GRK5: variants seen among roughly 807,000 people sequenced by gnomAD.
GRK5 encodes the protein G protein-coupled receptor kinase 5.
GRK5 carries 40 observed loss-of-function variants against 78.4 expected under a neutral mutation model. That is an observed-to-expected ratio of 0.51 (90% confidence interval 0.40 to 0.66). The LOEUF is 0.66. Among genes scored for constraint, GRK5 ranks in the 30% least tolerant of loss-of-function variants. The pLI is 0.00. For missense variants in GRK5, 598 were observed against 759.9 expected, an observed-to-expected ratio of 0.79 and a Z score of 2.50; for synonymous variants, 289 against 296.8, an observed-to-expected ratio of 0.97 and a Z score of 0.27.
chr10:119,434,785 A>G (rs905350178), intron 8 of GRK5, among the ~76,000 whole-genome samples: 1 of 152,202 alleles, frequency 6.6e-6, no homozygotes. Flanking sequence ...CCAATAGGCA[A>G]TGCCCCAGTA....
At chr10:119,291,897 T>A (rs1478275235) in intron 1 of GRK5, among the ~76,000 whole-genome samples, 2 of 143,838 alleles carry the variant, frequency 1.4e-5, no homozygotes, top group African/African-American at 2.6e-5. Context: ...TCTGCTCATC[T>A]TCTTCCTCCT....
At chr10:119,407,009 C>A (rs1044627075) in intron 4 of GRK5, among the ~76,000 whole-genome samples, 1 of 152,220 alleles carries the variant, frequency 6.6e-6, no homozygotes, top group Non-Finnish European at 1.5e-5. Context: ...TCAGGATGGG[C>A]GCCCAGGGAA....
At chr10:119,371,980 A>G (rs1851554229) in intron 2 of GRK5, among the ~76,000 whole-genome samples, 1 of 152,192 alleles carries the variant, frequency 6.6e-6, no homozygotes, top group South Asian at 2.1e-4. Context: ...TGGAGACACT[A>G]TTGCCATTTG....
chr10:119,400,280 G>C (rs1385652785), intron 4 of GRK5, among the ~76,000 whole-genome samples: 1 of 152,252 alleles, frequency 6.6e-6, no homozygotes, highest in Non-Finnish European at 1.5e-5. Flanking sequence ...TGAGCTAGAG[G>C]ACGCTTCCAG....
chr10:119,421,200 G>A (rs1465426035), intron 4 of GRK5, among the ~76,000 whole-genome samples: 1 of 152,238 alleles, frequency 6.6e-6, no homozygotes, highest in East Asian at 1.9e-4. Flanking sequence ...AGGGTGCCAA[G>A]CCATCGGCTC....
intron 1 of GRK5, among the ~76,000 whole-genome samples, chr10:119,260,986 G>A (rs1849376878): frequency 6.7e-6 from 1 of 148,208 alleles, no homozygotes; most frequent in South Asian, 2.1e-4. Flanking sequence ...GGGCGGCCGG[G>A]CAGAGGCACC....
intron 1 of GRK5, among the ~76,000 whole-genome samples, chr10:119,251,387 A>C (rs60557758): frequency 6.6e-6 from 1 of 152,220 alleles, no homozygotes; most frequent in Non-Finnish European, 1.5e-5. Flanking sequence ...GGCATCACCA[A>C]TGCCTTTCTG....
At position 119,381,630 on chromosome 10, in the gene GRK5, C is replaced by T. The variant is rs1442436244; in HGVS notation, c.261+703C>T. 1.2e-4 allele frequency among the ~76,000 whole-genome samples: 19 copies of T among 152,198 alleles called. No individual in the cohort carries two copies. In the South Asian group the frequency reaches 1.9e-3, roughly 15 times the overall value. ...AGTCAGGAGTTCCTCTGCACCTGCC[C>T]GGGGAGCCTGGGCACCTCGGTTCAG... On this transcript the variant is annotated intron_variant, in intron 3 of 15. Transcript: ENST00000392870.
intron 3 of GRK5, among the ~76,000 whole-genome samples, chr10:119,396,134 C>T (rs754102577): frequency 5.3e-5 from 8 of 152,190 alleles, no homozygotes; most frequent in Non-Finnish European, 1.0e-4. Context: ...AGGCCCCAGG[C>T]CAAGAGCTTG....
intron 4 of GRK5, among the ~76,000 whole-genome samples, chr10:119,413,586 C>T (rs898397152): frequency 6.6e-6 from 1 of 151,994 alleles, no homozygotes; most frequent in Non-Finnish European, 1.5e-5. Context: ...CGGGCATTTG[C>T]GGAACCCTCA....
chr10:119,436,911 G>A (rs1431221689), intron 9 of GRK5, 70 bp downstream of exon 9: 32 of 1,409,678 alleles, frequency 2.3e-5, no homozygotes, highest in Middle Eastern at 2.5e-4. Flanking sequence ...CCACACCCTC[G>A]GGCAGGTGGT....
rs756100248 is a variant in GRK5, at chr10:119,284,040, TGAG to T, written c.53-42470_53-42468del. 3.9e-4 allele frequency among the ~76,000 whole-genome samples: 59 copies of T among 152,140 alleles called. 1 individual carries two copies. The highest frequency in any genetic ancestry group is 7.6e-4 in the Non-Finnish European group (52 of 68,010). On this transcript the variant is annotated intron_variant, in intron 1 of 15. Coordinates refer to ENST00000392870, the MANE Select transcript of GRK5 (RefSeq NM_005308.3). ...GGTACTCGGATCCCCTGTGGGCAGATGAGGAGGAAGCTGGGTACAGGTAGGAAA... is the reference window on the plus strand; with the variant it reads ...GGTACTCGGATCCCCTGTGGGCAGATGAGGAAGCTGGGTACAGGTAGGAAA...
In GRK5 at chr10:119,424,104, C is replaced by T. The variant is rs147796099; in HGVS notation, c.440+838C>T. ...GTGGGTTAGGTGCTGGAGAGAGGCC[C>T]TGGTGGGCAGAGCAAGCTTGGTTGC... On this transcript the variant is annotated intron_variant, in intron 5 of 15. Coordinates refer to ENST00000392870, the MANE Select transcript of GRK5 (RefSeq NM_005308.3). Among the ~76,000 whole-genome samples the T allele has an allele frequency of 5.9e-5, 9 of 152,270 alleles. No individual in the cohort carries two copies. The East Asian group carries it at 1.7e-3, about 29-fold the overall frequency.
chr10:119,242,857 C>T (rs576063244), intron 1 of GRK5, among the ~76,000 whole-genome samples: 70 of 152,148 alleles, frequency 4.6e-4, no homozygotes, highest in African/African-American at 1.1e-3. Context: ...GAGCTCCCCC[C>T]GCCCCCAGCC....
At chr10:119,288,171 T>C (rs1465123827) in intron 1 of GRK5, among the ~76,000 whole-genome samples, 1 of 152,208 alleles carries the variant, frequency 6.6e-6, no homozygotes, top group East Asian at 1.9e-4. Context: ...CTCCCCACCC[T>C]TTCTGCCTGC....
intron 1 of GRK5, among the ~76,000 whole-genome samples, chr10:119,245,828 T>C (rs367898472): frequency 8.1e-4 from 123 of 151,844 alleles, no homozygotes; most frequent in Middle Eastern, 3.4e-3. Context: ...CCATCCTGGC[T>C]AACATGATGA....
At chr10:119,415,552 T>G (rs1407912405) in intron 4 of GRK5, among the ~76,000 whole-genome samples, 5 of 152,148 alleles carry the variant, frequency 3.3e-5, no homozygotes, top group Non-Finnish European at 7.4e-5. Flanking sequence ...GTGAGGAGCC[T>G]CCTCAATAGT....
Position 119,253,978 on chromosome 10 carries a change from A to C in GRK5, c.52+46009A>C, listed in dbSNP as rs189478373. ...CAGGGGAAAAGGAGAAAGTACAGAAAGCCGTGACACCTGATGGAAAATATT... is the reference window on the plus strand; with the variant it reads ...CAGGGGAAAAGGAGAAAGTACAGAACGCCGTGACACCTGATGGAAAATATT... On this transcript the variant is annotated intron_variant, in intron 1 of 15. Transcript: ENST00000392870. This position sits in a 1 kb window ranked among gnomAD's most constrained non-coding sequence, Gnocchi z 5.7. Among the ~76,000 whole-genome samples, 27 of 152,278 alleles carry C rather than the reference A, an allele frequency of 1.8e-4. No individual in the cohort carries two copies. The East Asian group carries it at 2.5e-3, about 14-fold the overall frequency.
chr10:119,359,799 T>C (rs1378657876), intron 2 of GRK5, among the ~76,000 whole-genome samples: 5 of 152,166 alleles, frequency 3.3e-5, no homozygotes, highest in South Asian at 4.1e-4. Flanking sequence ...GCCATCCCTG[T>C]GTTTCTGGAG....
Sources: gnomAD v4.1 joint callset for allele counts (sites outside exome capture counted in the v4.1 genomes callset) on GRCh38, gnomAD v4.1.1 for gene constraint, Gnocchi (gnomAD v3.1) non-coding constraint, MANE v1.5 for transcripts, NCBI Gene and HGNC (gene_info 2026-07-23, HGNC 2026-07-21) for gene names.